The following CACNA1A variants were observed in gnomAD, a reference collection of about 807,000 sequenced individuals.
CACNA1A encodes the protein calcium voltage-gated channel subunit alpha1 A.
A neutral mutation model predicts 262.4 loss-of-function variants in CACNA1A; 57 were observed. The observed-to-expected ratio is 0.22, with a 90% confidence interval of 0.18 to 0.27. The LOEUF is 0.27. Ranked by LOEUF, CACNA1A falls within the 10% of genes least tolerant of loss-of-function variation. The pLI, the probability that CACNA1A is intolerant of heterozygous loss-of-function variation, is 1.00. For synonymous variants in CACNA1A, 1,431 were observed against 1,419.3 expected, an observed-to-expected ratio of 1.01 and a Z score of -0.18; for missense variants, 2,526 against 3,562.8, an observed-to-expected ratio of 0.71 and a Z score of 7.41.
In CACNA1A at chr19:13,371,673, C is replaced by T. The variant is rs372178435; in HGVS notation, c.631+15G>A. ...CCGTGAGCAAACCCCTTGTCAGGGT[C>T]GGAAACTCACGCACTTGGGATTCCA... is the stretch of plus-strand genomic sequence containing the variant. On this transcript the variant is annotated intron_variant, in intron 4 of 46. Coordinates refer to ENST00000360228, the MANE Select transcript of CACNA1A (RefSeq NM_001127222.2). The T allele has an allele frequency of 5.9e-5, 91 of 1,553,602 alleles. 1 individual carries two copies. The highest frequency in any genetic ancestry group is 2.7e-5 in the African/African-American group (2 of 73,270).
Position 13,215,763 on chromosome 19 carries a change from C to T in CACNA1A, c.5732-1155G>A, listed in dbSNP as rs151113746. On this transcript the variant is annotated intron_variant, in intron 38 of 46. Coordinates refer to ENST00000360228, the MANE Select transcript of CACNA1A (RefSeq NM_001127222.2). ...TCCTGAGTAGCTGGGACTACAGGCA[C>T]GCACCACCATGCCTGGCTATCACCT... Among the ~76,000 whole-genome samples, 323 of 151,482 alleles carry T rather than the reference C, an allele frequency of 2.1e-3. 1 individual carries two copies. Among genetic ancestry groups the T allele is most frequent in the Non-Finnish European group, 3.4e-3 (231 of 67,806 alleles).
At chr19:13,288,911 G>A (rs920948937) in intron 19 of CACNA1A, among the ~76,000 whole-genome samples, 4 of 152,136 alleles carry the variant, frequency 2.6e-5, no homozygotes, top group African/African-American at 9.7e-5. Flanking sequence ...GGTGTTTTTA[G>A]TAAGTGGAAG....
At chr19:13,260,253 A>G (rs1328308995) in intron 26 of CACNA1A, 1 of 151,774 alleles carries the variant, frequency 6.6e-6, no homozygotes, top group East Asian at 1.9e-4. Context: ...ATATACACAT[A>G]CATATATATA....
chr19:13,456,746 G>A (rs978980381), intron 1 of CACNA1A, among the ~76,000 whole-genome samples: 1 of 152,174 alleles, frequency 6.6e-6, no homozygotes, highest in African/African-American at 2.4e-5. Flanking sequence ...AAAATGGACA[G>A]GAGGCTGGAA....
At chr19:13,487,102 C>A (rs571102239) in intron 1 of CACNA1A, among the ~76,000 whole-genome samples, 1 of 152,176 alleles carries the variant, frequency 6.6e-6, no homozygotes. Context: ...ACCTGTGGGC[C>A]GCCTGCCACT....
intron 3 of CACNA1A, among the ~76,000 whole-genome samples, chr19:13,388,754 A>G (rs1421963640): frequency 6.6e-6 from 1 of 152,124 alleles, no homozygotes; most frequent in Non-Finnish European, 1.5e-5. Context: ...GACAACTGAG[A>G]GAATGTTTAA....
At chr19:13,237,347 C>T (rs760786420) in intron 31 of CACNA1A, among the ~76,000 whole-genome samples, 1 of 152,068 alleles carries the variant, frequency 6.6e-6, no homozygotes, top group Non-Finnish European at 1.5e-5. Flanking sequence ...TTGCTACAGG[C>T]CACGTAGCAA....
Position 13,212,958 on chromosome 19 carries a change from T to C in CACNA1A, c.5941-218A>G, listed in dbSNP as rs2054873483. Among the ~76,000 whole-genome samples the C allele has an allele frequency of 6.6e-6, 1 of 152,112 alleles. No individual in the cohort carries two copies. Among genetic ancestry groups the C allele is most frequent in the African/African-American group, 2.4e-5 (1 of 41,478 alleles). ...CAGCCTGGTCCCACGTCCTCATCTC[T>C]CACTGCAGGCACCTTCTCCCAGGTC... On this transcript the variant is annotated intron_variant, in intron 40 of 46. Coordinates refer to ENST00000360228, the MANE Select transcript of CACNA1A (RefSeq NM_001127222.2). This position sits in a 1 kb window ranked among gnomAD's most constrained non-coding sequence, Gnocchi z 5.6.
intron 1 of CACNA1A, among the ~76,000 whole-genome samples, chr19:13,468,217 A>G (rs2061289586): frequency 1.3e-5 from 2 of 152,170 alleles, no homozygotes; most frequent in East Asian, 1.9e-4. Context: ...GAGAGTGAGG[A>G]GTGAGGATGC....
chr19:13,413,901 A>AAGAG, intron 3 of CACNA1A, among the ~76,000 whole-genome samples: 2 of 62,410 alleles, frequency 3.2e-5, no homozygotes, highest in African/African-American at 9.0e-5. Context: ...AAGAAAAAGA[A>AAGAG]AGAAAGAAAG....
chr19:13,433,224 T>C (rs1481013121), intron 3 of CACNA1A, among the ~76,000 whole-genome samples: 1 of 145,360 alleles, frequency 6.9e-6, no homozygotes, highest in African/African-American at 2.6e-5. Context: ...ACCTGGGAGA[T>C]GGGGCTTGCA....
chr19:13,267,129 T>C (rs1419748001), intron 24 of CACNA1A, among the ~76,000 whole-genome samples: 1 of 149,280 alleles, frequency 6.7e-6, no homozygotes, highest in South Asian at 2.1e-4. Flanking sequence ...AGACAGAATA[T>C]GAGAGAGAGA....
chr19:13,498,356 T>C (rs1444546095), intron 1 of CACNA1A, among the ~76,000 whole-genome samples: 1 of 152,144 alleles, frequency 6.6e-6, no homozygotes, highest in Non-Finnish European at 1.5e-5. Context: ...ATTACATATA[T>C]TTTTTACACA....
chr19:13,332,355 G>A (rs781033094), intron 9 of CACNA1A, among the ~76,000 whole-genome samples: 4 of 151,900 alleles, frequency 2.6e-5, no homozygotes, highest in East Asian at 1.9e-4. Flanking sequence ...AGGTGAGATC[G>A]TGTGACTGCA....
intron 3 of CACNA1A, among the ~76,000 whole-genome samples, chr19:13,407,889 T>C (rs114697924): frequency 2.0e-3 from 305 of 152,168 alleles, no homozygotes; most frequent in African/African-American, 6.9e-3. Flanking sequence ...TAGGAGGTGA[T>C]TGGATCCTGG....
intron 15 of CACNA1A, among the ~76,000 whole-genome samples, chr19:13,304,436 C>T (rs2057855170): frequency 6.6e-6 from 1 of 151,724 alleles, no homozygotes; most frequent in African/African-American, 2.4e-5. Flanking sequence ...CAAGATTAGC[C>T]TGGGCAATAT....
At chr19:13,269,074 G>A (rs1420654500) in intron 24 of CACNA1A, among the ~76,000 whole-genome samples, 1 of 152,002 alleles carries the variant, frequency 6.6e-6, no homozygotes, top group African/African-American at 2.4e-5. Flanking sequence ...ATAGCTTACC[G>A]CAGCCTTGAA....
At position 13,413,923 on chromosome 19, in the gene CACNA1A, G is replaced by GAAAAGA. The variant is rs1475009293; in HGVS notation, c.539+38952_539+38953insTCTTTT. 1.5e-5 allele frequency among the ~76,000 whole-genome samples: 2 copies of GAAAAGA among 135,744 alleles called. 1 individual carries two copies. Among genetic ancestry groups the GAAAAGA allele is most frequent in the African/African-American group, 5.7e-5 (2 of 34,804 alleles). The allele number at this position is 135,744 out of a possible 152,430, so 89.1% of individuals were successfully genotyped here. On this transcript the variant is annotated intron_variant, in intron 3 of 46. Transcript: ENST00000360228. Reference sequence around the variant, plus strand: ...AGAAAGAAAGAAAGAAAGAAAGAAAGAAAGAAAGAAAGAAAGAAAGAAAAG... The same window carrying GAAAAGA: ...AGAAAGAAAGAAAGAAAGAAAGAAAGAAAAGAAAAGAAAGAAAGAAAGAAAGAAAAG...
chr19:13,381,103 T>C (rs1310847928), intron 3 of CACNA1A, among the ~76,000 whole-genome samples: 1 of 152,118 alleles, frequency 6.6e-6, no homozygotes, highest in Non-Finnish European at 1.5e-5. Flanking sequence ...ATCGTAGACC[T>C]GCTGGGCACA....
Sources: allele counts gnomAD v4.1 joint callset (sites outside exome capture counted in the v4.1 genomes callset), GRCh38; gene constraint gnomAD v4.1.1; non-coding constraint Gnocchi (gnomAD v3.1); transcripts MANE v1.5; gene names NCBI Gene and HGNC (gene_info 2026-07-23, HGNC 2026-07-21).